The following WDR20 variants were observed in gnomAD, a reference collection of about 807,000 sequenced individuals.
WDR20 encodes WD repeat-containing protein 20.
In WDR20, 3 loss-of-function variants were observed where a neutral mutation model predicts 38.7. The ratio of observed to expected loss-of-function variants is 0.08; its 90% CI spans 0.04 to 0.20. WDR20 has a LOEUF of 0.20. Among genes scored for constraint, WDR20 ranks in the 10% least tolerant of loss-of-function variants. WDR20 has a pLI of 1.00. For synonymous variants in WDR20, 298 were observed against 285.6 expected (o/e 1.04, Z -0.44); for missense variants, 559 against 727.7 (o/e 0.77, Z 2.67).
intron 1 of WDR20, among the ~76,000 whole-genome samples, chr14:102,173,960 T>G (rs907087024): frequency 6.7e-6 from 1 of 149,840 alleles, no homozygotes; most frequent in East Asian, 2.0e-4. Flanking sequence ...AGGAGAATGG[T>G]GTGAACCCGG....
intron 1 of WDR20, among the ~76,000 whole-genome samples, chr14:102,178,632 G>GTGTA (rs2062695005): frequency 6.6e-6 from 1 of 151,790 alleles, no homozygotes; most frequent in Admixed American, 6.6e-5. Context: ...GCAATCTGTG[G>GTGTA]TGTAACTAGC....
At position 102,184,267 on chromosome 14, in the gene WDR20, C is replaced by A. The variant is rs959173119; in HGVS notation, c.250-10671C>A. ...CAGCCATTTGTGGTGACTTGCCTTGCGATAGGAGATCTAACCTTCCGTGGA... is the reference window on the plus strand; with the variant it reads ...CAGCCATTTGTGGTGACTTGCCTTGAGATAGGAGATCTAACCTTCCGTGGA... On this transcript the variant is annotated intron_variant, in intron 1 of 2. Coordinates refer to ENST00000342702, the MANE Select transcript of WDR20 (RefSeq NM_144574.4). 1.1e-4 allele frequency among the ~76,000 whole-genome samples: 16 copies of A among 152,056 alleles called. 1 individual carries two copies. Among genetic ancestry groups the A allele is most frequent in the African/African-American group, 3.6e-4 (15 of 41,386 alleles).
intron 1 of WDR20, among the ~76,000 whole-genome samples, chr14:102,149,516 AT>A (rs1566801759): frequency 6.6e-6 from 1 of 152,174 alleles, no homozygotes; most frequent in Admixed American, 6.5e-5. Context: ...TGCAGATCAT[AT>A]TTTTTATAAA....
intron 2 of WDR20, among the ~76,000 whole-genome samples, chr14:102,205,997 T>C (rs1392419907): frequency 6.6e-6 from 1 of 152,102 alleles, no homozygotes; most frequent in Non-Finnish European, 1.5e-5. Flanking sequence ...TTGTTGTTTC[T>C]TTTGAGATGG....
In WDR20 at chr14:102,150,513, A is replaced by G. The variant is rs553887339; in HGVS notation, c.249+10341A>G. Among the ~76,000 whole-genome samples, 5 of 152,298 alleles carry G rather than the reference A, an allele frequency of 3.3e-5. No homozygotes were observed. The South Asian group carries it at 6.2e-4, about 19-fold the overall frequency. On this transcript the variant is annotated intron_variant, in intron 1 of 2. Transcript: ENST00000342702. Reference sequence around the variant, plus strand: ...ATTCAGTAAGAGGGAATATTTTAACATCTTAGTTACCGCATTGTAGATTAT... The same window carrying G: ...ATTCAGTAAGAGGGAATATTTTAACGTCTTAGTTACCGCATTGTAGATTAT...
chr14:102,192,701 T>C (rs2058715626), intron 1 of WDR20, among the ~76,000 whole-genome samples: 1 of 152,236 alleles, frequency 6.6e-6, no homozygotes, highest in South Asian at 2.1e-4. Flanking sequence ...ACATTACGTA[T>C]TTTTTAATTT....
At chr14:102,181,588 T>C (rs2063383269) in intron 1 of WDR20, among the ~76,000 whole-genome samples, 1 of 152,190 alleles carries the variant, frequency 6.6e-6, no homozygotes, top group African/African-American at 2.4e-5. Context: ...CATAAGATTT[T>C]TCCATATTAT....
In WDR20 at chr14:102,151,818, C is replaced by T. The variant is rs2055976562; in HGVS notation, c.249+11646C>T. On this transcript the variant is annotated intron_variant, in intron 1 of 2. Coordinates refer to ENST00000342702, the MANE Select transcript of WDR20 (RefSeq NM_144574.4). ...GCAGTGACACAATCATGGCTCACTG[C>T]AGCCTCAACCTTCTGGGCCCAAATA... Among the ~76,000 whole-genome samples the T allele has an allele frequency of 2.6e-5, 4 of 151,942 alleles. No homozygotes were observed. The South Asian group carries it at 8.3e-4, about 32-fold the overall frequency.
At chr14:102,146,933 A>T (rs2053853054) in intron 1 of WDR20, among the ~76,000 whole-genome samples, 1 of 152,172 alleles carries the variant, frequency 6.6e-6, no homozygotes, top group Admixed American at 6.5e-5. Context: ...GAATGACTGG[A>T]AACTTGTGTT....
Position 102,209,265 on chromosome 14 carries a change from C to G in WDR20, c.1095C>G (p.Val365=), listed in dbSNP as rs763748347. 1.2e-6 allele frequency: 2 copies of G among 1,614,208 alleles called. No homozygotes were observed. The highest frequency in any genetic ancestry group is 3.3e-5 in the Admixed American group (2 of 60,026). ...CTACAGACAGCCGCCCCGTAAGTGT[C>G]ACGTATCGGTTTGGTTCCGTGGGCC... ...RNSTDSRPVS[V]TYRFGSVGQD... is the part of the protein sequence containing the mutation. The change falls in exon 3 of 3, where the codon GTC becomes GTG. Residue 365 remains valine, a synonymous_variant. Transcript: ENST00000342702. This position sits in a 1 kb window ranked among gnomAD's most constrained non-coding sequence, Gnocchi z 6.0.
At chr14:102,139,518 G>C (rs2050195275), upstream of WDR20, 8 of 1,096,000 alleles carry the variant, frequency 7.3e-6, no homozygotes, top group Non-Finnish European at 1.0e-5. Context: ...GCGGGAGACC[G>C]CTGAGGAGGC....
intron 2 of WDR20, among the ~76,000 whole-genome samples, chr14:102,202,913 T>C (rs2060769011): frequency 6.6e-6 from 1 of 152,228 alleles, no homozygotes; most frequent in African/African-American, 2.4e-5. Context: ...GTTATATTTA[T>C]TAGCTGCAGA....
At chr14:102,155,347 A>T (rs1193295389) in intron 1 of WDR20, among the ~76,000 whole-genome samples, 1 of 152,234 alleles carries the variant, frequency 6.6e-6, no homozygotes, top group Non-Finnish European at 1.5e-5. Flanking sequence ...TATCTCTCAC[A>T]TGTGACTTGC....
intron 2 of WDR20, among the ~76,000 whole-genome samples, chr14:102,200,224 A>C (rs1239453407): frequency 1.3e-5 from 2 of 152,184 alleles, no homozygotes; most frequent in East Asian, 3.8e-4. Context: ...TGCTTTCCCC[A>C]ATCTTCCAGA....
chr14:102,202,415 T>A (rs1337330111), intron 2 of WDR20, among the ~76,000 whole-genome samples: 1 of 137,462 alleles, frequency 7.3e-6, no homozygotes, highest in African/African-American at 2.7e-5. Context: ...AGTCTCGCTC[T>A]GTCGCCCAGG....
intron 1 of WDR20, among the ~76,000 whole-genome samples, chr14:102,182,341 G>T (rs2063551248): frequency 6.6e-6 from 1 of 152,106 alleles, no homozygotes; most frequent in Non-Finnish European, 1.5e-5. Context: ...ACTAGCCATG[G>T]CTTCCTCATC....
intron 1 of WDR20, among the ~76,000 whole-genome samples, chr14:102,162,865 G>C (rs775512656): frequency 6.6e-6 from 1 of 152,138 alleles, no homozygotes; most frequent in Non-Finnish European, 1.5e-5. Context: ...GCCTGCCTCA[G>C]CCTCCCAAAG....
chr14:102,182,458 T>C (rs1323416826), intron 1 of WDR20, among the ~76,000 whole-genome samples: 1 of 152,212 alleles, frequency 6.6e-6, no homozygotes, highest in East Asian at 1.9e-4. Context: ...TCCTGTGGTC[T>C]TAATTGGTGT....
chr14:102,144,193 G>A (rs1467923220), intron 1 of WDR20, among the ~76,000 whole-genome samples: 2 of 151,908 alleles, frequency 1.3e-5, no homozygotes, highest in Non-Finnish European at 2.9e-5. Flanking sequence ...AACAAAAAAG[G>A]GGAGTGGGGC....
Sources: gnomAD v4.1 joint callset for allele counts (sites outside exome capture counted in the v4.1 genomes callset) on GRCh38, gnomAD v4.1.1 for gene constraint, Gnocchi (gnomAD v3.1) non-coding constraint, MANE v1.5 for transcripts, NCBI Gene and HGNC (gene_info 2026-07-23, HGNC 2026-07-21) for gene names.